The following MIR2052HG variants were observed in gnomAD, a reference collection of about 807,000 sequenced individuals.
MIR2052HG encodes MIR2052 host gene.
intron 1 of MIR2052HG, chr8:74,604,331 AGGC>A: frequency 2.4e-6 from 1 of 420,896 alleles, no homozygotes; most frequent in Admixed American, 2.8e-5. Flanking sequence ...TGCTGGCGCG[AGGC>A]GACTGAGGGG....
chr8:74,734,818 AG>A (rs1300886583), intron 4 of MIR2052HG, among the ~76,000 whole-genome samples: 1 of 152,200 alleles, frequency 6.6e-6, no homozygotes, highest in African/African-American at 2.4e-5. Flanking sequence ...GTGGTTTCAG[AG>A]GGGATCCAAC....
At chr8:74,692,918 G>T (rs1263750601) in intron 2 of MIR2052HG, among the ~76,000 whole-genome samples, 1 of 151,616 alleles carries the variant, frequency 6.6e-6, no homozygotes, top group Admixed American at 6.6e-5. Flanking sequence ...TCTTTCTCGG[G>T]GTATGATTTG....
At chr8:74,641,335 G>A (rs569332632) in intron 2 of MIR2052HG, among the ~76,000 whole-genome samples, 1 of 152,170 alleles carries the variant, frequency 6.6e-6, no homozygotes, top group South Asian at 2.1e-4. Flanking sequence ...ATAATTATCT[G>A]GTGAATCCAA....
intron 2 of MIR2052HG, among the ~76,000 whole-genome samples, chr8:74,675,421 TA>T (rs1403581649): frequency 6.6e-6 from 1 of 152,064 alleles, no homozygotes; most frequent in African/African-American, 2.4e-5. Flanking sequence ...AGAGCTAATT[TA>T]AAGTATTCCA....
chr8:74,734,414 A>G (rs1282080059), intron 4 of MIR2052HG, among the ~76,000 whole-genome samples: 5 of 152,244 alleles, frequency 3.3e-5, no homozygotes, highest in African/African-American at 1.2e-4. Context: ...CCAAAAATGT[A>G]TAAAACACAC....
chr8:74,622,613 GA>G (rs916530341), intron 2 of MIR2052HG, among the ~76,000 whole-genome samples: 6 of 149,250 alleles, frequency 4.0e-5, no homozygotes, highest in Non-Finnish European at 7.5e-5. Flanking sequence ...CAAAAAATTA[GA>G]AAAAAAATTT....
intron 2 of MIR2052HG, among the ~76,000 whole-genome samples, chr8:74,633,838 C>T (rs1349497265): frequency 6.6e-6 from 1 of 152,116 alleles, no homozygotes; most frequent in African/African-American, 2.4e-5. Context: ...TTGACTACTA[C>T]AAGGATGAAG....
chr8:74,708,221 A>G (rs1008241699), intron 4 of MIR2052HG, among the ~76,000 whole-genome samples: 3 of 152,154 alleles, frequency 2.0e-5, no homozygotes, highest in Admixed American at 6.6e-5. Context: ...CCTCTGCCAA[A>G]GGAGTCATCA....
At position 74,755,183 on chromosome 8, in the gene MIR2052HG, C is replaced by A. The variant is rs141464460; in HGVS notation, n.464+2650C>A. On this transcript the variant is annotated intron_variant and non_coding_transcript_variant, in intron 5 of 6. Coordinates refer to ENST00000523442, the Ensembl canonical transcript of MIR2052HG. ...ATTGCGATTGTCTTCCAAAATGGAACTGATATTTGGGTTTTTTAAAAAAAT... is the reference window on the plus strand; with the variant it reads ...ATTGCGATTGTCTTCCAAAATGGAAATGATATTTGGGTTTTTTAAAAAAAT... Among the ~76,000 whole-genome samples the A allele has an allele frequency of 1.3e-3, 201 of 152,298 alleles. 1 individual carries two copies. The East Asian group carries it at 0.017, about 13-fold the overall frequency.
intron 2 of MIR2052HG, among the ~76,000 whole-genome samples, chr8:74,692,140 G>C (rs1198211789): frequency 2.6e-5 from 4 of 152,168 alleles, no homozygotes; most frequent in African/African-American, 7.2e-5. Flanking sequence ...TCCCAGGCTG[G>C]AGTACACTGG....
At chr8:74,707,284 T>C (rs1262686258) in intron 4 of MIR2052HG, among the ~76,000 whole-genome samples, 1 of 152,148 alleles carries the variant, frequency 6.6e-6, no homozygotes. Flanking sequence ...TGGCCACATC[T>C]GCCCAGGAGA....
chr8:74,703,575 A>T (rs1265384707), intron 3 of MIR2052HG: 3 of 439,130 alleles, frequency 6.8e-6, no homozygotes, highest in Non-Finnish European at 1.4e-5. Flanking sequence ...GATTACTGTT[A>T]TCTCAGCTAT....
At position 74,715,774 on chromosome 8, in the gene MIR2052HG, A is replaced by G. The variant is rs1324676388; in HGVS notation, n.371+12092A>G. Among the ~76,000 whole-genome samples, 3 of 152,232 alleles carry G rather than the reference A, an allele frequency of 2.0e-5. No individual in the cohort carries two copies. The East Asian group carries it at 5.8e-4, about 29-fold the overall frequency. On this transcript the variant is annotated intron_variant and non_coding_transcript_variant, in intron 4 of 6. Transcript: ENST00000523442. ...TTGCAAAAAAGTAATGTGTTGGTCC[A>G]GGGAGGCAATCTTTATACTTGCCAA...
At chr8:74,605,006 T>C (rs1808091316) in intron 1 of MIR2052HG, among the ~76,000 whole-genome samples, 1 of 152,316 alleles carries the variant, frequency 6.6e-6, no homozygotes, top group East Asian at 1.9e-4. Context: ...AATGGCTTTC[T>C]GGTAACAAAA....
At chr8:74,704,128 TATTA>T (rs1397228717) in intron 4 of MIR2052HG, among the ~76,000 whole-genome samples, 4 of 152,028 alleles carry the variant, frequency 2.6e-5, no homozygotes, top group African/African-American at 9.7e-5. Flanking sequence ...ATTTTTTTTC[TATTA>T]ATTTTCTAAA....
chr8:74,676,379 T>A (rs1586911034), intron 2 of MIR2052HG, among the ~76,000 whole-genome samples: 2 of 152,134 alleles, frequency 1.3e-5, no homozygotes, highest in East Asian at 1.9e-4. Context: ...GCAGTTAAAA[T>A]GATTTATGGT....
intron 4 of MIR2052HG, among the ~76,000 whole-genome samples, chr8:74,714,330 T>C (rs556392132): frequency 1.3e-5 from 2 of 152,214 alleles, no homozygotes; most frequent in East Asian, 1.9e-4. Context: ...GCTAATCTGT[T>C]GTAAAATTAA....
intron 1 of MIR2052HG, among the ~76,000 whole-genome samples, chr8:74,608,388 T>C (rs1808143642): frequency 6.6e-6 from 1 of 152,222 alleles, no homozygotes; most frequent in Non-Finnish European, 1.5e-5. Flanking sequence ...ACAACTGGGT[T>C]ACTCAGTTAC....
At chr8:74,647,251 A>G (rs1026755842) in intron 2 of MIR2052HG, among the ~76,000 whole-genome samples, 6 of 152,218 alleles carry the variant, frequency 3.9e-5, no homozygotes, top group African/African-American at 7.2e-5. Context: ...GTTGCAGGAC[A>G]AGAGGACAGA....
Sources: allele counts gnomAD v4.1 joint callset (sites outside exome capture counted in the v4.1 genomes callset), GRCh38; gene constraint gnomAD v4.1.1; transcripts MANE v1.5; gene names NCBI Gene and HGNC (gene_info 2026-07-23, HGNC 2026-07-21).